Variants in DOCK3 observed in about 807,000 individuals in gnomAD.
DOCK3 encodes dedicator of cytokinesis protein 3.
Under a neutral mutation model 265.6 loss-of-function variants are expected in DOCK3, and 60 were observed. The observed-to-expected ratio is 0.23, with a 90% CI of 0.18 to 0.28. DOCK3 has a LOEUF of 0.28. Ranked by LOEUF, DOCK3 falls within the 10% of genes least tolerant of loss-of-function variation. The probability of loss-of-function intolerance (pLI) is 1.00; values close to 1 mark genes in which losing one functional copy is unlikely to be tolerated. For missense variants in DOCK3, 1,981 were observed against 2,594.3 expected, an observed-to-expected ratio of 0.76 and a Z score of 5.14; for synonymous variants, 881 against 938.0, an observed-to-expected ratio of 0.94 and a Z score of 1.11.
intron 32 of DOCK3, among the ~76,000 whole-genome samples, chr3:51,324,531 C>T (rs752866639): frequency 2.3e-4 from 35 of 152,188 alleles, no homozygotes; most frequent in Non-Finnish European, 4.6e-4. Context: ...CATCAAGCTA[C>T]CGTTGACTTT....
chr3:50,889,068 T>G (rs113063824), intron 3 of DOCK3, among the ~76,000 whole-genome samples: 10,605 of 40,776 alleles, frequency 0.26, 693 homozygotes, highest in East Asian at 0.43. Context: ...AAGCCATGGG[T>G]GTGTGTGTGT....
At chr3:50,757,034 A>T (rs1329968770) in intron 1 of DOCK3, among the ~76,000 whole-genome samples, 2 of 151,920 alleles carry the variant, frequency 1.3e-5, no homozygotes, top group Non-Finnish European at 2.9e-5. Flanking sequence ...CTAATTTTTC[A>T]TAGAGACAGG....
chr3:51,126,369 G>C (rs1320245989), intron 9 of DOCK3, among the ~76,000 whole-genome samples: 1 of 152,098 alleles, frequency 6.6e-6, no homozygotes. Flanking sequence ...TGGCATCGGG[G>C]GCCAAGCATG....
At chr3:51,194,029 G>T (rs1257753897) in intron 12 of DOCK3, among the ~76,000 whole-genome samples, 4 of 151,724 alleles carry the variant, frequency 2.6e-5, no homozygotes, top group Admixed American at 6.6e-5. Context: ...ACTATTTTAT[G>T]TAGGCATTTA....
Position 51,358,095 on chromosome 3 carries a change from C to G in DOCK3, c.4884+18C>G, listed in dbSNP as rs2086481071. 6.2e-7 allele frequency: 1 copy of G among 1,609,424 alleles called. No individual in the cohort carries two copies. The highest frequency in any genetic ancestry group is 8.5e-7 in the Non-Finnish European group (1 of 1,176,722). On this transcript the variant is annotated intron_variant, in intron 46 of 52. Coordinates refer to ENST00000266037, the MANE Select transcript of DOCK3 (RefSeq NM_004947.5). Reference sequence around the variant, plus strand: ...TCTACCATGTAAGTTGATCCCTGTCCTGCCCCTGCTGCAGTAGAACCAGGT... The same window carrying G: ...TCTACCATGTAAGTTGATCCCTGTCGTGCCCCTGCTGCAGTAGAACCAGGT...
intron 5 of DOCK3, among the ~76,000 whole-genome samples, chr3:51,016,592 TATATA>T (rs2079274705): frequency 1.2e-5 from 1 of 83,928 alleles, no homozygotes; most frequent in African/African-American, 5.8e-5. Flanking sequence ...TATCATATAT[TATATA>T]TGATATATAT....
At chr3:51,081,371 C>G (rs1206861306) in intron 7 of DOCK3, among the ~76,000 whole-genome samples, 3 of 152,100 alleles carry the variant, frequency 2.0e-5, no homozygotes, top group Non-Finnish European at 4.4e-5. Flanking sequence ...ACCATTATTC[C>G]TGGCCAGGGT....
chr3:50,945,376 A>G (rs1411802635), intron 5 of DOCK3, among the ~76,000 whole-genome samples: 2 of 152,110 alleles, frequency 1.3e-5, no homozygotes, highest in African/African-American at 4.8e-5. Context: ...ATTTAGTATA[A>G]TACTTTAGTA....
At position 51,105,466 on chromosome 3, in the gene DOCK3, T is replaced by C. The variant is rs914159189; in HGVS notation, c.746+15082T>C. 3.3e-5 allele frequency among the ~76,000 whole-genome samples: 5 copies of C among 152,212 alleles called. 1 individual carries two copies. Among genetic ancestry groups the C allele is most frequent in the South Asian group, 4.1e-4 (2 of 4,832 alleles). ...TAAAAAAGACAAACAAGAATGTTCA[T>C]TGAAGCTTTGTTCATCATAGCCAAA... On this transcript the variant is annotated intron_variant, in intron 9 of 52. Coordinates refer to ENST00000266037, the MANE Select transcript of DOCK3 (RefSeq NM_004947.5).
intron 5 of DOCK3, among the ~76,000 whole-genome samples, chr3:50,956,326 G>T (rs142135800): frequency 6.6e-6 from 1 of 152,160 alleles, no homozygotes; most frequent in Admixed American, 6.5e-5. Flanking sequence ...TTTAAGAACC[G>T]CAGATTGTCA....
intron 21 of DOCK3, among the ~76,000 whole-genome samples, chr3:51,238,143 TTTTTTTTTTTTTTTTTTG>T (rs2078433228): frequency 9.5e-6 from 1 of 105,132 alleles, no homozygotes; most frequent in African/African-American, 4.0e-5. Flanking sequence ...TTTTTTTTTT[TTTTTTTTTTTTTTTTTTG>T]AGATGGAGTC....
At chr3:51,274,818 A>T (rs1231015585) in intron 24 of DOCK3, among the ~76,000 whole-genome samples, 1 of 152,206 alleles carries the variant, frequency 6.6e-6, no homozygotes, top group Non-Finnish European at 1.5e-5. Context: ...GACTCCTAAC[A>T]TTCATCCTGC....
Position 50,675,406 on chromosome 3 carries a change from TGCGCGGCCTCGGC to T in DOCK3, c.37+110_37+122del. On this transcript the variant is annotated intron_variant, in intron 1 of 52. Transcript: ENST00000266037. The surrounding 1 kb of genome is among the most constrained non-coding windows in gnomAD (Gnocchi z 6.1). ...CGTGCCCCCGCCACTGCCCGCAGGC[TGCGCGGCCTCGGC>T]GCGGGGCGAGCGCGGGGTGGGGGCA... 1 of 1,026,884 alleles carries T rather than the reference TGCGCGGCCTCGGC, an allele frequency of 9.7e-7. No homozygotes were observed. The highest frequency in any genetic ancestry group is 1.2e-6 in the Non-Finnish European group (1 of 824,548). The allele number at this position is 1,026,884 out of a possible 1,614,324, so 63.6% of individuals were successfully genotyped here. A position where few individuals can be genotyped will look rare whatever the true frequency, so the allele number is the denominator to read the frequency against.
At chr3:51,233,312 T>TTATA (rs2078204856) in intron 19 of DOCK3, among the ~76,000 whole-genome samples, 1 of 62,954 alleles carries the variant, frequency 1.6e-5, no homozygotes, top group African/African-American at 3.3e-5. Flanking sequence ...GCAGTATTCT[T>TTATA]TCTTTCTATC....
At chr3:51,313,259 C>G (rs2083193367) in intron 31 of DOCK3, among the ~76,000 whole-genome samples, 1 of 152,186 alleles carries the variant, frequency 6.6e-6, no homozygotes, top group African/African-American at 2.4e-5. Flanking sequence ...GTTGCAGGCT[C>G]AAAAGCTTAG....
chr3:50,782,587 G>C (rs922173219), intron 2 of DOCK3, among the ~76,000 whole-genome samples: 4 of 151,584 alleles, frequency 2.6e-5, no homozygotes, highest in African/African-American at 7.3e-5. Context: ...GTGTGTGTGT[G>C]TGTGTGTGTG....
intron 5 of DOCK3, among the ~76,000 whole-genome samples, chr3:51,035,274 ATTGT>A (rs1461391315): frequency 6.6e-6 from 1 of 151,596 alleles, no homozygotes; most frequent in Non-Finnish European, 1.5e-5. Context: ...AGTCTTTGAG[ATTGT>A]TTCTTTTTAT....
intron 2 of DOCK3, among the ~76,000 whole-genome samples, chr3:50,809,505 T>C (rs2043617335): frequency 6.6e-6 from 1 of 152,248 alleles, no homozygotes; most frequent in Admixed American, 6.5e-5. Flanking sequence ...GAATACTCTT[T>C]GGCACTATAT....
chr3:51,277,552 GCTGTACT>G (rs2080881855), intron 25 of DOCK3, 49 bp from the exon 26 acceptor site: 1 of 1,490,366 alleles, frequency 6.7e-7, no homozygotes, highest in Non-Finnish European at 8.9e-7. Flanking sequence ...AGTGCTGCCA[GCTGTACT>G]TCAGCCTGGC....
Sources: allele counts gnomAD v4.1 joint callset (sites outside exome capture counted in the v4.1 genomes callset), GRCh38; gene constraint gnomAD v4.1.1; non-coding constraint Gnocchi (gnomAD v3.1); transcripts MANE v1.5; gene names NCBI Gene and HGNC (gene_info 2026-07-23, HGNC 2026-07-21).